UGT1A8: variants seen among roughly 807,000 people sequenced by gnomAD.
The protein encoded by UGT1A8 is UDP-glucuronosyltransferase 1A8.
UGT1A8 carries 39 observed loss-of-function variants against 45.3 expected under a neutral mutation model. That is an observed-to-expected ratio of 0.86 (90% CI 0.67 to 1.12). The LOEUF (loss-of-function observed/expected upper bound fraction) is 1.12, where lower values mean the gene tolerates loss of function less well. Among genes scored for constraint, UGT1A8 ranks in the 50% most tolerant of loss-of-function variants. The pLI, the probability that UGT1A8 is intolerant of heterozygous loss-of-function variation, is 0.00. For missense variants in UGT1A8, 719 were observed against 664.9 expected, an observed-to-expected ratio of 1.08 and a Z score of -0.90; for synonymous variants, 275 against 249.2, an observed-to-expected ratio of 1.10 and a Z score of -0.97.
At chr2:233,760,547 A>T (rs533766461) in intron 1 of UGT1A8, 1 of 1,614,192 alleles carries the variant, frequency 6.2e-7, no homozygotes, top group African/African-American at 1.3e-5. Context: ...CAAAGGGAGG[A>T]TGTGAAAGAG....
At chr2:233,755,366 T>C in intron 1 of UGT1A8, 1 of 363,028 alleles carries the variant, frequency 2.8e-6, no homozygotes, top group East Asian at 7.5e-5. Context: ...CTGGGCCGCC[T>C]GGAGGGCCGC....
At chr2:233,650,098 G>T (rs564966109) in intron 1 of UGT1A8, among the ~76,000 whole-genome samples, 1 of 152,236 alleles carries the variant, frequency 6.6e-6, no homozygotes, top group East Asian at 1.9e-4. Flanking sequence ...AGCCTCCTGA[G>T]TAGCTGGGAT....
At chr2:233,747,819 G>T (rs1219645107) in intron 1 of UGT1A8, 12 of 1,613,452 alleles carry the variant, frequency 7.4e-6, no homozygotes, top group Non-Finnish European at 1.0e-5. Context: ...GACCAATTCA[G>T]ACCACATGAC....
At chr2:233,756,852 C>A (rs11568318) in intron 1 of UGT1A8, among the ~76,000 whole-genome samples, 7,795 of 152,070 alleles carry the variant, frequency 0.051, 227 homozygotes, top group African/African-American at 0.061. Context: ...AACATTCTAA[C>A]GGTTCATAAA....
At chr2:233,687,721 A>ACG (rs781036903) in intron 1 of UGT1A8, among the ~76,000 whole-genome samples, 5 of 152,046 alleles carry the variant, frequency 3.3e-5, no homozygotes, top group Non-Finnish European at 5.9e-5. Context: ...TGGACAACAT[A>ACG]GGGAGACACT....
chr2:233,746,130 T>A (rs757715130), intron 1 of UGT1A8, among the ~76,000 whole-genome samples: 6 of 151,866 alleles, frequency 4.0e-5, no homozygotes, highest in Non-Finnish European at 8.8e-5. Context: ...AACTGTGGAC[T>A]GGCACCTGAG....
chr2:233,721,961 A>G (rs2076983118), intron 1 of UGT1A8: 1 of 312,750 alleles, frequency 3.2e-6, no homozygotes, highest in Admixed American at 3.8e-5. Flanking sequence ...TTGTATATGC[A>G]TACATTGATG....
At chr2:233,749,493 CT>C (rs951030576) in intron 1 of UGT1A8, among the ~76,000 whole-genome samples, 1 of 151,760 alleles carries the variant, frequency 6.6e-6, no homozygotes, top group Non-Finnish European at 1.5e-5. Context: ...TGCTATGCCC[CT>C]TAGAGAATTA....
At position 233,772,474 on chromosome 2, in the gene UGT1A8, C is replaced by G; in HGVS notation, c.1508C>G (p.Thr503Ser). The G allele has an allele frequency of 6.2e-7, 1 of 1,614,104 alleles. No individual in the cohort carries two copies. Among genetic ancestry groups the G allele is most frequent in the Non-Finnish European group, 8.5e-7 (1 of 1,180,024 alleles). Residue 503 changes from threonine (T) to serine (S), a missense_variant, in exon 5 of 5, where the codon ACC (threonine) becomes AGC (serine). By Grantham distance (58) the Thr-to-Ser change is moderately conservative. Transcript: ENST00000373450. ...GTCGTGCTGACAGTGGCCTTCATCA[C>G]CTTTAAATGTTGTGCTTATGGCTAC... is the stretch of plus-strand genomic sequence containing the variant. The part of the protein sequence containing the change: ...LAVVLTVAFI[T>S]FKCCAYGYRK...
At chr2:233,713,423 T>C in intron 1 of UGT1A8, 1 of 1,614,200 alleles carries the variant, frequency 6.2e-7, no homozygotes. Flanking sequence ...TGCATGCTAC[T>C]TCCTTTGATG....
intron 1 of UGT1A8, chr2:233,690,707 C>T: frequency 8.2e-7 from 1 of 1,225,470 alleles, no homozygotes; most frequent in Non-Finnish European, 1.0e-6. Context: ...TAGGGATCGT[C>T]ATTATGACGA....
intron 1 of UGT1A8, chr2:233,690,377 C>A: frequency 1.1e-6 from 1 of 925,258 alleles, no homozygotes; most frequent in Non-Finnish European, 1.5e-6. Context: ...TCCATAGGGT[C>A]CACGTTTCCA....
chr2:233,743,240 T>G (rs1692244875), intron 1 of UGT1A8: 1 of 425,178 alleles, frequency 2.4e-6, no homozygotes, highest in South Asian at 1.7e-5. Context: ...TATGAAGGAC[T>G]TTAACTCAAC....
intron 1 of UGT1A8, among the ~76,000 whole-genome samples, chr2:233,697,477 C>G (rs966758556): frequency 6.7e-6 from 1 of 149,952 alleles, no homozygotes; most frequent in African/African-American, 2.4e-5. Flanking sequence ...CTTAGTCTAG[C>G]TCAAGGTTTG....
intron 1 of UGT1A8, chr2:233,682,685 A>T: frequency 6.2e-7 from 1 of 1,613,842 alleles, no homozygotes; most frequent in Non-Finnish European, 8.5e-7. Context: ...CCACACATCA[A>T]TTTGGTTGTT....
At position 233,704,019 on chromosome 2, in the gene UGT1A8, C is replaced by G. The variant is rs566457131; in HGVS notation, c.856-63015C>G. On this transcript the variant is annotated intron_variant, in intron 1 of 4. Transcript: ENST00000373450. ...AGTTCTCCCACCTCAGCCGCCCGAG[C>G]AGCTGGAACTACAGGTGTGCACCAA... is the stretch of plus-strand genomic sequence containing the variant. 2.6e-5 allele frequency among the ~76,000 whole-genome samples: 4 copies of G among 151,986 alleles called. No homozygotes were observed. In the East Asian group the frequency reaches 5.8e-4, roughly 22 times the overall value.
chr2:233,636,226 C>A (rs2125458168), intron 1 of UGT1A8, among the ~76,000 whole-genome samples: 1 of 145,348 alleles, frequency 6.9e-6, no homozygotes, highest in East Asian at 2.0e-4. Flanking sequence ...CTTCAAGGTC[C>A]AAAAGCATTG....
Position 233,737,701 on chromosome 2 carries a change from G to A in UGT1A8, c.856-29333G>A, listed in dbSNP as rs28898624. On this transcript the variant is annotated intron_variant, in intron 1 of 4. Transcript: ENST00000373450. ...TTTGGCCATTGGTGCTGAAGCTTCC[G>A]TTCTCCTCTCCAACACCTCCTTTTT... 9.9e-3 allele frequency among the ~76,000 whole-genome samples: 1,506 copies of A among 152,128 alleles called. 21 individuals carry two copies. Among genetic ancestry groups the A allele is most frequent in the African/African-American group, 0.034 (1,429 of 41,486 alleles).
At chr2:233,643,121 G>A (rs2073499905) in intron 1 of UGT1A8, among the ~76,000 whole-genome samples, 1 of 152,218 alleles carries the variant, frequency 6.6e-6, no homozygotes, top group African/African-American at 2.4e-5. Flanking sequence ...AGCCAGACCT[G>A]CATCCCTCCC....
Sources: gnomAD v4.1 joint callset for allele counts (sites outside exome capture counted in the v4.1 genomes callset) on GRCh38, gnomAD v4.1.1 for gene constraint, MANE v1.5 for transcripts, NCBI Gene and HGNC (gene_info 2026-07-23, HGNC 2026-07-21) for gene names.